CFAP70: variants seen among roughly 807,000 people sequenced by gnomAD.
CFAP70 encodes the protein cilia and flagella associated protein 70.
Under a neutral mutation model 137.6 loss-of-function variants are expected in CFAP70, and 81 were observed. That is an observed-to-expected ratio of 0.59 (90% CI 0.49 to 0.71). The LOEUF is 0.71. Among genes scored for constraint, CFAP70 ranks in the 30% least tolerant of loss-of-function variants. The probability of loss-of-function intolerance (pLI) is 0.00; values close to 1 mark genes in which losing one functional copy is unlikely to be tolerated. For synonymous variants in CFAP70, 382 were observed against 423.6 expected, an observed-to-expected ratio of 0.90 and a Z score of 1.20; for missense variants, 976 against 1,226.7, an observed-to-expected ratio of 0.80 and a Z score of 3.05.
At chr10:73,335,057 CTTCTTTTT>C (rs1184622113) in intron 7 of CFAP70, among the ~76,000 whole-genome samples, 8 of 135,950 alleles carry the variant, frequency 5.9e-5, no homozygotes, top group Non-Finnish European at 9.2e-5. Context: ...ATTTCTTCTT[CTTCTTTTT>C]TTTTTTTTTT....
chr10:73,264,642 T>TA (rs2045581772), intron 25 of CFAP70, among the ~76,000 whole-genome samples: 1 of 152,196 alleles, frequency 6.6e-6, no homozygotes. Flanking sequence ...AAATGAAGCC[T>TA]AAAACTATAC....
chr10:73,297,060 C>G (rs1278000282), exon 15 of CFAP70: 2 of 1,613,686 alleles, frequency 1.2e-6, no homozygotes, highest in South Asian at 2.2e-5. Flanking sequence ...GGGCTACATG[C>G]ATCTGATCTA....
intron 24 of CFAP70, among the ~76,000 whole-genome samples, chr10:73,272,076 G>T (rs2046358696): frequency 6.6e-6 from 1 of 152,138 alleles, no homozygotes; most frequent in Admixed American, 6.5e-5. Context: ...GCTAAGTGAG[G>T]TGGCTCACAC....
chr10:73,277,472 T>C lies in CFAP70; in HGVS notation c.2399-111A>G, dbSNP rs2131768626. On this transcript the variant is annotated intron_variant, in intron 20 of 26. Coordinates refer to ENST00000310715, the Ensembl canonical transcript of CFAP70. The stretch of plus-strand genomic sequence containing the variant: ...GCTCACGCCTGTAATCCCAGCACTT[T>C]GGGAGGCCGAGGCAGGCAGATCACG... 3 of 1,205,124 alleles carry C rather than the reference T, an allele frequency of 2.5e-6. No homozygotes were observed. In the South Asian group the frequency reaches 4.6e-5, roughly 18 times the overall value. The allele number at this position is 1,205,124 out of a possible 1,614,324, so 74.7% of individuals were successfully genotyped here.
intron 19 of CFAP70, among the ~76,000 whole-genome samples, chr10:73,289,288 A>C (rs1000050514): frequency 6.6e-5 from 10 of 150,644 alleles, no homozygotes; most frequent in African/African-American, 2.5e-4. Context: ...TTTATTTATT[A>C]TTATTATTTT....
At chr10:73,277,161 T>C (rs546139719) in intron 21 of CFAP70, 79 bp downstream of exon 22, 4 of 1,467,640 alleles carry the variant, frequency 2.7e-6, no homozygotes, top group East Asian at 2.4e-5. Context: ...ATATGGAAGC[T>C]TGAAAGATAC....
chr10:73,274,590 G>C, exon 23 of CFAP70: 1 of 1,612,454 alleles, frequency 6.2e-7, no homozygotes, highest in Non-Finnish European at 8.5e-7. Context: ...CCAGACATTG[G>C]GGTTCTGGGA....
chr10:73,253,914 ACT>A lies in CFAP70; in HGVS notation c.*59_*60del, dbSNP rs1179563791. 4.4e-6 allele frequency: 6 copies of A among 1,375,720 alleles called. No homozygotes were observed. In the East Asian group the frequency reaches 7.1e-5, roughly 16 times the overall value. 85.2% of individuals were successfully genotyped at this position (1,375,720 alleles called of 1,614,324 possible). A position where few individuals can be genotyped will look rare whatever the true frequency, so the allele number is the denominator to read the frequency against. On this transcript the variant is annotated 3_prime_UTR_variant, in exon 27 of 27. Coordinates refer to ENST00000310715, the Ensembl canonical transcript of CFAP70. The stretch of plus-strand genomic sequence containing the variant: ...CCAGCTCCAGGCTTCATACGGTAAA[ACT>A]CTCTGGGAAGGAAAGGAACTCAGAG...
At chr10:73,308,029 C>T (rs1156764123) in intron 12 of CFAP70, among the ~76,000 whole-genome samples, 2 of 151,476 alleles carry the variant, frequency 1.3e-5, no homozygotes, top group African/African-American at 2.4e-5. Context: ...GCGATGTGCT[C>T]CTATAGTCCC....
intron 12 of CFAP70, among the ~76,000 whole-genome samples, chr10:73,300,352 CA>C (rs1490007435): frequency 6.6e-6 from 1 of 152,108 alleles, no homozygotes; most frequent in Admixed American, 6.5e-5. Context: ...AGTCCACAAT[CA>C]AACTCACAAA....
chr10:73,278,938 G>C (rs4265517), intron 19 of CFAP70: 1 of 146,936 alleles, frequency 6.8e-6, no homozygotes, highest in Admixed American at 6.9e-5. Context: ...CCGAGATCAC[G>C]TCACTGCACT....
chr10:73,320,508 T>G (rs866230388), intron 9 of CFAP70, among the ~76,000 whole-genome samples: 2 of 151,830 alleles, frequency 1.3e-5, no homozygotes, highest in Admixed American at 1.3e-4. Flanking sequence ...AAAATTTTTT[T>G]TGTAGAGATA....
chr10:73,262,561 T>C (rs185810092), intron 25 of CFAP70, among the ~76,000 whole-genome samples: 23 of 152,278 alleles, frequency 1.5e-4, no homozygotes, highest in African/African-American at 5.5e-4. Flanking sequence ...CTGAGGTTGC[T>C]AAGATCTGTA....
chr10:73,282,114 T>C (rs2047302234), intron 19 of CFAP70, among the ~76,000 whole-genome samples: 1 of 151,598 alleles, frequency 6.6e-6, no homozygotes, highest in South Asian at 2.1e-4. Context: ...TGGGGAAGGC[T>C]GGGGAAGGCT....
intron 19 of CFAP70, among the ~76,000 whole-genome samples, chr10:73,288,205 C>T (rs1248265817): frequency 6.6e-6 from 1 of 151,954 alleles, no homozygotes; most frequent in Non-Finnish European, 1.5e-5. Flanking sequence ...CCAAACATAT[C>T]AAAAACATTG....
At chr10:73,273,654 TCTC>T (rs2046475704) in intron 23 of CFAP70, among the ~76,000 whole-genome samples, 1 of 152,266 alleles carries the variant, frequency 6.6e-6, no homozygotes, top group African/African-American at 2.4e-5. Flanking sequence ...AAAGAAAACT[TCTC>T]CTTATATACT....
rs1346992288 is a variant in CFAP70 at position 73,291,155 on chromosome 10, CA to C, written c.2239+70del. 57 of 1,395,084 alleles carry C rather than the reference CA, an allele frequency of 4.1e-5. No homozygotes were observed. The Admixed American group carries it at 9.7e-4, about 24-fold the overall frequency. The allele number at this position is 1,395,084 out of a possible 1,614,324, so 86.4% of individuals were successfully genotyped here. On this transcript the variant is annotated intron_variant, in intron 19 of 26. Coordinates refer to ENST00000310715, the Ensembl canonical transcript of CFAP70. ...TCAGCCTCCCAGGTTGCTAGGACTA[CA>C]GGTGTGAGCCACCACACCTGGCAGT...
chr10:73,345,014 T>A, intron 5 of CFAP70, 51 bp downstream of exon 6: 1 of 1,484,676 alleles, frequency 6.7e-7, no homozygotes, highest in African/African-American at 1.4e-5. Flanking sequence ...GATGGCCATA[T>A]GAGTACAGAC....
At chr10:73,331,737 T>C (rs1366026398) in intron 7 of CFAP70, among the ~76,000 whole-genome samples, 1 of 152,174 alleles carries the variant, frequency 6.6e-6, no homozygotes, top group Non-Finnish European at 1.5e-5. Flanking sequence ...CCCAAATCTA[T>C]AACATTCCAA....
Sources: gnomAD v4.1 joint callset for allele counts (sites outside exome capture counted in the v4.1 genomes callset) on GRCh38, gnomAD v4.1.1 for gene constraint, MANE v1.5 for transcripts, NCBI Gene and HGNC (gene_info 2026-07-23, HGNC 2026-07-21) for gene names.